Variants in CSMD3 observed in about 807,000 individuals in gnomAD.
CSMD3 encodes CUB and sushi domain-containing protein 3.
A neutral mutation model predicts 435.2 loss-of-function variants in CSMD3; 177 were observed. That is an observed-to-expected ratio of 0.41 (90% confidence interval 0.36 to 0.46). CSMD3 has a LOEUF of 0.46. CSMD3 is among the 20% of genes least tolerant of loss of function. The pLI, the probability that CSMD3 is intolerant of heterozygous loss-of-function variation, is 0.34. For synonymous variants in CSMD3, 1,656 were observed against 1,520.5 expected (o/e 1.09, Z -2.07); for missense variants, 4,265 against 4,504.6 (o/e 0.95, Z 1.52).
intron 3 of CSMD3, among the ~76,000 whole-genome samples, chr8:113,195,814 T>TATATATATATATATAC (rs1344054794): frequency 7.5e-6 from 1 of 133,446 alleles, no homozygotes; most frequent in African/African-American, 2.9e-5. Context: ...TATATATATA[T>TATATATATATATATAC]ACACACACAC....
chr8:112,877,899 C>A (rs546296658), intron 10 of CSMD3, among the ~76,000 whole-genome samples: 1 of 152,064 alleles, frequency 6.6e-6, no homozygotes. Context: ...ATTCCTTACA[C>A]CTTATACAAA....
chr8:112,949,201 C>T lies in CSMD3; in HGVS notation c.1421-1324G>A, dbSNP rs367685237. ...AAGAAGATAGCTATCAGACGACTGC[C>T]CAACAGTTATAGTTGTGGTAAAGTT... On this transcript the variant is annotated intron_variant, in intron 8 of 70. Coordinates refer to ENST00000297405, the MANE Select transcript of CSMD3 (RefSeq NM_198123.2). 7.6e-4 allele frequency among the ~76,000 whole-genome samples: 115 copies of T among 152,028 alleles called. 1 individual carries two copies. The highest frequency in any genetic ancestry group is 2.6e-3 in the African/African-American group (109 of 41,506).
intron 43 of CSMD3, among the ~76,000 whole-genome samples, chr8:112,337,103 T>G (rs774012971): frequency 1.3e-5 from 2 of 152,170 alleles, no homozygotes; most frequent in Non-Finnish European, 2.9e-5. Context: ...AAATATTTTA[T>G]ATCAATGCAA....
At chr8:113,223,490 AAC>A (rs2092992765) in intron 3 of CSMD3, among the ~76,000 whole-genome samples, 1 of 150,562 alleles carries the variant, frequency 6.6e-6, no homozygotes, top group Admixed American at 6.7e-5. Flanking sequence ...ATGATTGTAA[AAC>A]ACTTTGAAGA....
At chr8:113,410,900 TGAAAGAAAGAAAGAAAGAAA>T (rs60929996) in intron 1 of CSMD3, among the ~76,000 whole-genome samples, 1,253 of 105,476 alleles carry the variant, frequency 0.012, 20 homozygotes, top group Non-Finnish European at 0.013. Flanking sequence ...CAAAACCCTG[TGAAAGAAAGAAAGAAAGAAA>T]GAAAGAAAGA....
Position 112,295,818 on chromosome 8 carries a change from G to A in CSMD3, c.8614+15C>T. The A allele has an allele frequency of 6.2e-7, 1 of 1,612,382 alleles. No individual in the cohort carries two copies. The highest frequency in any genetic ancestry group is 2.2e-5 in the East Asian group (1 of 44,800). On this transcript the variant is annotated intron_variant, in intron 54 of 70. Transcript: ENST00000297405. The stretch of plus-strand genomic sequence containing the variant: ...AGATCAGAGGTCTCTAATTGCTTTT[G>A]CCATGCTTACTTACGCACACAGGAT...
chr8:112,663,498 AG>A (rs2075439664), intron 17 of CSMD3, among the ~76,000 whole-genome samples: 1 of 41,736 alleles, frequency 2.4e-5, no homozygotes, highest in African/African-American at 1.0e-4. Context: ...GGGTGGGGGG[AG>A]GGGGGAGGGA....
chr8:112,859,280 T>A lies in CSMD3; in HGVS notation c.1634-14A>T, dbSNP rs1426983920. 1 of 1,608,286 alleles carries A rather than the reference T, an allele frequency of 6.2e-7. No individual in the cohort carries two copies. Among genetic ancestry groups the A allele is most frequent in the Admixed American group, 1.7e-5 (1 of 59,762 alleles). On this transcript the variant is annotated splice_polypyrimidine_tract_variant and intron_variant, in intron 10 of 70. Coordinates refer to ENST00000297405, the MANE Select transcript of CSMD3 (RefSeq NM_198123.2). ...CACACGTTTTCACTAAAAGAGAAAT[T>A]GCATTTTAAAAGATGAACATATGTC... is the stretch of plus-strand genomic sequence containing the variant.
chr8:112,259,873 T>A (rs192285133), intron 61 of CSMD3, among the ~76,000 whole-genome samples: 14 of 152,320 alleles, frequency 9.2e-5, no homozygotes, highest in Non-Finnish European at 1.9e-4. Flanking sequence ...CTGAAGCAAT[T>A]GTTTCTATAA....
chr8:113,089,976 T>C (rs1188555197), intron 5 of CSMD3, among the ~76,000 whole-genome samples: 1 of 152,092 alleles, frequency 6.6e-6, no homozygotes, highest in East Asian at 1.9e-4. Context: ...TAGGGAGGTA[T>C]GTTGAACAGA....
intron 45 of CSMD3, among the ~76,000 whole-genome samples, chr8:112,326,558 G>T (rs913677352): frequency 6.6e-6 from 1 of 152,154 alleles, no homozygotes; most frequent in African/African-American, 2.4e-5. Flanking sequence ...GGTACATTCC[G>T]CTTGACAAAT....
chr8:112,854,034 C>G (rs1373441876), intron 11 of CSMD3, among the ~76,000 whole-genome samples: 1 of 152,124 alleles, frequency 6.6e-6, no homozygotes, highest in Non-Finnish European at 1.5e-5. Flanking sequence ...TCTGGTAATA[C>G]CACAGTTTTT....
At chr8:112,597,352 A>C (rs1337802410) in intron 22 of CSMD3, among the ~76,000 whole-genome samples, 2 of 151,310 alleles carry the variant, frequency 1.3e-5, no homozygotes, top group African/African-American at 2.4e-5. Flanking sequence ...CAATAACAGG[A>C]GCTGAAATTG....
intron 1 of CSMD3, among the ~76,000 whole-genome samples, chr8:113,369,688 A>C (rs1253852912): frequency 1.3e-5 from 2 of 151,970 alleles, no homozygotes; most frequent in African/African-American, 2.4e-5. Context: ...GATAAAGAAA[A>C]TGTGGTATAT....
intron 13 of CSMD3, among the ~76,000 whole-genome samples, chr8:112,703,863 A>G (rs1398834134): frequency 6.6e-6 from 1 of 152,148 alleles, no homozygotes; most frequent in Non-Finnish European, 1.5e-5. Context: ...GAGGAAATCT[A>G]TAACTGCCCA....
In CSMD3 at chr8:112,704,566, C is replaced by G. The variant is rs527736315; in HGVS notation, c.1973-14516G>C. Among the ~76,000 whole-genome samples the G allele has an allele frequency of 4.6e-5, 7 of 152,074 alleles. 1 individual carries two copies. In the South Asian group the frequency reaches 1.5e-3, roughly 32 times the overall value. On this transcript the variant is annotated intron_variant, in intron 13 of 70. Coordinates refer to ENST00000297405, the MANE Select transcript of CSMD3 (RefSeq NM_198123.2). ...ATTTGGATTATGTAGCATTTTGCTG[C>G]AACCCGATGATTATCAAAATTTTTT...
intron 32 of CSMD3, among the ~76,000 whole-genome samples, chr8:112,429,906 G>A (rs944884503): frequency 1.3e-5 from 2 of 151,784 alleles, no homozygotes; most frequent in Non-Finnish European, 2.9e-5. Context: ...AACATTCACA[G>A]AGAAGCCACT....
intron 22 of CSMD3, among the ~76,000 whole-genome samples, chr8:112,634,382 A>C (rs189803506): frequency 6.6e-6 from 1 of 152,202 alleles, no homozygotes; most frequent in Admixed American, 6.5e-5. Flanking sequence ...ATTTTAAAAA[A>C]CATTTCTTTT....
chr8:112,492,397 G>T, intron 31 of CSMD3, 92 bp downstream of exon 31: 2 of 947,312 alleles, frequency 2.1e-6, no homozygotes, highest in African/African-American at 1.6e-5. Context: ...ATTGTATGTG[G>T]AATAGTTGAT....
Sources: gnomAD v4.1 joint callset for allele counts (sites outside exome capture counted in the v4.1 genomes callset) on GRCh38, gnomAD v4.1.1 for gene constraint, MANE v1.5 for transcripts, NCBI Gene and HGNC (gene_info 2026-07-23, HGNC 2026-07-21) for gene names.